The following BICC1 variants were observed in gnomAD, a reference collection of about 807,000 sequenced individuals.
The protein encoded by BICC1 is BicC family RNA binding protein 1, also known as protein bicaudal C homolog 1.
BICC1 carries 43 observed loss-of-function variants against 111.0 expected under a neutral mutation model. The observed-to-expected ratio is 0.39, with a 90% confidence interval of 0.30 to 0.50. The LOEUF (loss-of-function observed/expected upper bound fraction) is 0.50. Among genes scored for constraint, BICC1 ranks in the 20% least tolerant of loss-of-function variants. BICC1 has a pLI of 0.88. For missense variants in BICC1, 1,091 were observed against 1,203.2 expected, an observed-to-expected ratio of 0.91 and a Z score of 1.38; for synonymous variants, 467 against 434.4, an observed-to-expected ratio of 1.07 and a Z score of -0.93.
intron 1 of BICC1, among the ~76,000 whole-genome samples, chr10:58,593,398 C>A (rs1844699305): frequency 6.6e-6 from 1 of 152,196 alleles, no homozygotes. Context: ...TGCTAAGGGT[C>A]AGACTGTTTC....
intron 2 of BICC1, among the ~76,000 whole-genome samples, chr10:58,630,287 G>A (rs1393179497): frequency 6.6e-6 from 1 of 152,160 alleles, no homozygotes; most frequent in Non-Finnish European, 1.5e-5. Context: ...AGAGGGAGAA[G>A]CTGTGAATAA....
rs1843123840 is a variant in BICC1, at chr10:58,789,853, C to A, written c.967C>A (p.Pro323Thr). The change falls in exon 8 of 21, where the codon CCC (proline) becomes ACC (threonine). Residue 323 changes from proline (P) to threonine (T), a missense_variant. Physicochemically the swap from Pro to Thr is conservative, Grantham distance 38. Transcript: ENST00000373886. ...AGGTGCTCAGATCCACTTTCCTGATCCCAGTAATCCACAAAAGAAATCTAC... is the reference window on the plus strand; with the variant it reads ...AGGTGCTCAGATCCACTTTCCTGATACCAGTAATCCACAAAAGAAATCTAC... Reference protein sequence around the residue: ...RTGAQIHFPDPSNPQKKSTVY... With the variant: ...RTGAQIHFPDTSNPQKKSTVY... 6.2e-7 allele frequency: 1 copy of A among 1,613,982 alleles called. No individual in the cohort carries two copies. The highest frequency in any genetic ancestry group is 8.5e-7 in the Non-Finnish European group (1 of 1,180,008).
chr10:58,640,451 A>G (rs1203245855), intron 2 of BICC1, among the ~76,000 whole-genome samples: 1 of 152,224 alleles, frequency 6.6e-6, no homozygotes, highest in Non-Finnish European at 1.5e-5. Context: ...TTAAGGTGTT[A>G]TAACTTAAGT....
intron 3 of BICC1, among the ~76,000 whole-genome samples, chr10:58,743,357 G>A (rs1043307732): frequency 3.9e-5 from 6 of 152,064 alleles, no homozygotes; most frequent in Non-Finnish European, 8.8e-5. Flanking sequence ...TATCTTGTAG[G>A]CCAATGAAAC....
intron 8 of BICC1, among the ~76,000 whole-genome samples, chr10:58,792,782 GATAATA>G (rs1480123692): frequency 6.6e-6 from 1 of 152,102 alleles, no homozygotes; most frequent in African/African-American, 2.4e-5. Context: ...ATTACAATGT[GATAATA>G]ATAGTAATAA....
intron 17 of BICC1, among the ~76,000 whole-genome samples, chr10:58,807,780 C>G (rs1843756274): frequency 6.6e-6 from 1 of 152,096 alleles, no homozygotes; most frequent in Non-Finnish European, 1.5e-5. Flanking sequence ...AGGCCTTTTC[C>G]ATTTCAAAGT....
At chr10:58,752,891 G>A (rs1842029322) in intron 3 of BICC1, among the ~76,000 whole-genome samples, 1 of 152,102 alleles carries the variant, frequency 6.6e-6, no homozygotes. Flanking sequence ...TGGTTCCATT[G>A]ACTGATGATG....
chr10:58,727,869 A>G (rs1466974950), intron 3 of BICC1, among the ~76,000 whole-genome samples: 1 of 152,224 alleles, frequency 6.6e-6, no homozygotes, highest in Non-Finnish European at 1.5e-5. Flanking sequence ...TTTTTAGTTT[A>G]CCAATGCATA....
At chr10:58,530,794 T>C (rs1013403141) in intron 1 of BICC1, among the ~76,000 whole-genome samples, 1 of 151,700 alleles carries the variant, frequency 6.6e-6, no homozygotes, top group Non-Finnish European at 1.5e-5. Context: ...AAATTCTTCA[T>C]GTAGAGAATG....
chr10:58,813,158 CTTGACT>C lies in BICC1; in HGVS notation c.2377-669_2377-664del, dbSNP rs1017774952. Among the ~76,000 whole-genome samples the C allele has an allele frequency of 1.1e-3, 172 of 152,216 alleles. 2 individuals carry two copies. Among genetic ancestry groups the C allele is most frequent in the African/African-American group, 3.9e-3 (164 of 41,548 alleles). ...CATAATATTTTGAAAGTCAGAGAATCTTGACTTTAATACTCTAGGTAATAGTAGGGT... is the reference window on the plus strand; with the variant it reads ...CATAATATTTTGAAAGTCAGAGAATCTTAATACTCTAGGTAATAGTAGGGT... On this transcript the variant is annotated intron_variant, in intron 17 of 20. Coordinates refer to ENST00000373886, the MANE Select transcript of BICC1 (RefSeq NM_001080512.3).
chr10:58,803,466 G>T (rs1026623733), intron 15 of BICC1, among the ~76,000 whole-genome samples: 2 of 152,122 alleles, frequency 1.3e-5, no homozygotes, highest in Non-Finnish European at 2.9e-5. Flanking sequence ...ATTAAAAATG[G>T]TGCAGAATGG....
At chr10:58,805,041 C>T (rs575851362) in intron 15 of BICC1, among the ~76,000 whole-genome samples, 3 of 152,102 alleles carry the variant, frequency 2.0e-5, no homozygotes, top group Non-Finnish European at 4.4e-5. Flanking sequence ...ACCTGTAATC[C>T]CAGAACTTTG....
chr10:58,805,922 A>G (rs1843695906), intron 15 of BICC1, among the ~76,000 whole-genome samples: 2 of 152,216 alleles, frequency 1.3e-5, no homozygotes, highest in Admixed American at 1.3e-4. Context: ...ACTTGACTAC[A>G]TCGTAGTTAC....
At chr10:58,737,337 G>C (rs1841502714) in intron 3 of BICC1, among the ~76,000 whole-genome samples, 1 of 152,132 alleles carries the variant, frequency 6.6e-6, no homozygotes, top group Non-Finnish European at 1.5e-5. Flanking sequence ...CTATGAGTGA[G>C]AACATGCGGT....
chr10:58,516,495 G>T (rs936844248), intron 1 of BICC1, among the ~76,000 whole-genome samples: 4 of 151,680 alleles, frequency 2.6e-5, no homozygotes, highest in Non-Finnish European at 5.9e-5. Context: ...TTTTTTCATG[G>T]TTTTTTACTG....
At chr10:58,765,559 G>C (rs1028068379) in intron 3 of BICC1, among the ~76,000 whole-genome samples, 3 of 152,110 alleles carry the variant, frequency 2.0e-5, no homozygotes, top group Non-Finnish European at 2.9e-5. Flanking sequence ...AAGGTTGTAC[G>C]TGATAAACTC....
chr10:58,702,560 C>G (rs552122039), intron 3 of BICC1, among the ~76,000 whole-genome samples: 1 of 151,480 alleles, frequency 6.6e-6, no homozygotes. Flanking sequence ...TTTCAGGTCT[C>G]GAGTGCTGCT....
intron 3 of BICC1, among the ~76,000 whole-genome samples, chr10:58,712,094 G>A (rs1164700288): frequency 6.6e-6 from 1 of 152,188 alleles, no homozygotes; most frequent in African/African-American, 2.4e-5. Flanking sequence ...AAATAAGCAT[G>A]TGAAAAGATC....
At chr10:58,789,589 T>G in intron 7 of BICC1, 93 bp from the exon 8 acceptor site, 1 of 1,541,488 alleles carries the variant, frequency 6.5e-7, no homozygotes, top group Non-Finnish European at 8.8e-7. Flanking sequence ...ATATGCTGTA[T>G]TTTTCCATAG....
Sources: gnomAD v4.1 joint callset for allele counts (sites outside exome capture counted in the v4.1 genomes callset) on GRCh38, gnomAD v4.1.1 for gene constraint, MANE v1.5 for transcripts, NCBI Gene and HGNC (gene_info 2026-07-23, HGNC 2026-07-21) for gene names.